The following EPHA3 variants were observed in gnomAD, a reference collection of about 807,000 sequenced individuals.
The protein encoded by EPHA3 is EPH receptor A3, also known as ephrin type-A receptor 3.
A neutral mutation model predicts 107.1 loss-of-function variants in EPHA3; 42 were observed. That is an observed-to-expected ratio of 0.39 (90% confidence interval 0.31 to 0.51). The LOEUF is 0.51. Ranked by LOEUF, EPHA3 falls within the 20% of genes least tolerant of loss-of-function variation. The pLI is 0.78. For missense variants in EPHA3, 1,183 were observed against 1,211.2 expected, an observed-to-expected ratio of 0.98 and a Z score of 0.35; for synonymous variants, 461 against 424.8, an observed-to-expected ratio of 1.09 and a Z score of -1.05.
At chr3:89,203,505 G>T (rs114239981) in intron 2 of EPHA3, among the ~76,000 whole-genome samples, 2,007 of 152,134 alleles carry the variant, frequency 0.013, 49 homozygotes, top group African/African-American at 0.046. Flanking sequence ...TGGGCGCGGT[G>T]GCTCAAGCCT....
chr3:89,280,335 T>C (rs1322149474), intron 3 of EPHA3, among the ~76,000 whole-genome samples: 1 of 152,114 alleles, frequency 6.6e-6, no homozygotes, highest in Non-Finnish European at 1.5e-5. Flanking sequence ...TTCAGGTATA[T>C]ATAGAGAGTA....
chr3:89,364,673 A>T (rs975392762), intron 5 of EPHA3, among the ~76,000 whole-genome samples: 1 of 150,450 alleles, frequency 6.6e-6, no homozygotes, highest in Non-Finnish European at 1.5e-5. Flanking sequence ...TTGTTTTTCT[A>T]GATTTTATGC....
chr3:89,134,312 C>A (rs1366436155), intron 2 of EPHA3, among the ~76,000 whole-genome samples: 2 of 151,920 alleles, frequency 1.3e-5, no homozygotes, highest in Non-Finnish European at 2.9e-5. Flanking sequence ...TGGTGTGCTG[C>A]ACCCATTAAC....
At chr3:89,411,186 C>G (rs994312259) in intron 9 of EPHA3, among the ~76,000 whole-genome samples, 1 of 151,474 alleles carries the variant, frequency 6.6e-6, no homozygotes, top group African/African-American at 2.4e-5. Flanking sequence ...TCTCAGAGCC[C>G]TAGCTTGTCT....
intron 2 of EPHA3, among the ~76,000 whole-genome samples, chr3:89,187,530 T>G (rs2107133235): frequency 6.6e-6 from 1 of 151,780 alleles, no homozygotes; most frequent in East Asian, 1.9e-4. Flanking sequence ...GCTAGTAAAG[T>G]GACTTGCACT....
chr3:89,208,268 G>A (rs1706157390), intron 2 of EPHA3, among the ~76,000 whole-genome samples: 3 of 151,526 alleles, frequency 2.0e-5, no homozygotes, highest in African/African-American at 7.3e-5. Context: ...TATTCAGGAG[G>A]CTGAGGCAGG....
At chr3:89,344,832 C>G (rs1707606483) in intron 5 of EPHA3, among the ~76,000 whole-genome samples, 2 of 152,074 alleles carry the variant, frequency 1.3e-5, no homozygotes, top group South Asian at 4.1e-4. Flanking sequence ...AATGATAAGG[C>G]ACCTTTTAAA....
intron 3 of EPHA3, among the ~76,000 whole-genome samples, chr3:89,310,379 A>AT (rs933110298): frequency 4.0e-5 from 6 of 151,876 alleles, no homozygotes; most frequent in Non-Finnish European, 5.9e-5. Flanking sequence ...AAATTCATTA[A>AT]TTTTTTTTAA....
chr3:89,356,079 C>T (rs372180312), intron 5 of EPHA3, among the ~76,000 whole-genome samples: 6 of 142,608 alleles, frequency 4.2e-5, no homozygotes, highest in South Asian at 2.2e-4. Context: ...TGAGAATATA[C>T]AGTGTTTGGT....
At chr3:89,344,961 C>T (rs1440162150) in intron 5 of EPHA3, among the ~76,000 whole-genome samples, 1 of 151,254 alleles carries the variant, frequency 6.6e-6, no homozygotes, top group Non-Finnish European at 1.5e-5. Context: ...GTGAATCCAT[C>T]AGTCAAGTAA....
In EPHA3 at chr3:89,449,359, G is replaced by T. The variant is rs374248537; in HGVS notation, c.2481G>T (p.Glu827Asp). The change falls in exon 14 of 17, where the codon GAG (glutamate) becomes GAT (aspartate). Residue 827 changes from glutamate (E) to aspartate (D), a missense_variant. By Grantham distance (45) the Glu-to-Asp change is conservative. Coordinates refer to ENST00000336596, the MANE Select transcript of EPHA3 (RefSeq NM_005233.6). Reference protein sequence around the residue: ...VMSYGERPYWEMSNQDVIKAV... With the variant: ...VMSYGERPYWDMSNQDVIKAV... ...CTTATGGAGAGAGACCATACTGGGA[G>T]ATGTCCAATCAGGATGTAAGTATTT... 4 of 1,591,060 alleles carry T rather than the reference G, an allele frequency of 2.5e-6. No homozygotes were observed. The highest frequency in any genetic ancestry group is 1.7e-4 in the Middle Eastern group (1 of 5,944).
intron 1 of EPHA3, among the ~76,000 whole-genome samples, chr3:89,112,618 T>C (rs945836173): frequency 3.3e-5 from 5 of 151,986 alleles, no homozygotes; most frequent in African/African-American, 1.2e-4. Context: ...AAAATATATT[T>C]GATTTACTAA....
At chr3:89,346,511 G>C (rs1052984892) in intron 5 of EPHA3, among the ~76,000 whole-genome samples, 9 of 143,714 alleles carry the variant, frequency 6.3e-5, no homozygotes, top group South Asian at 2.2e-4. Flanking sequence ...GTAGATTCTG[G>C]ATATTAGCCC....
intron 2 of EPHA3, among the ~76,000 whole-genome samples, chr3:89,193,032 T>C (rs180967584): frequency 6.6e-6 from 1 of 152,238 alleles, no homozygotes; most frequent in African/African-American, 2.4e-5. Flanking sequence ...ATCTCTGAAA[T>C]CTTTTGTACA....
intron 3 of EPHA3, among the ~76,000 whole-genome samples, chr3:89,281,894 G>A (rs890150641): frequency 1.3e-5 from 2 of 152,158 alleles, no homozygotes; most frequent in Admixed American, 1.3e-4. Context: ...GTACATATGT[G>A]TTAGAAAATG....
At chr3:89,412,427 ATATT>A (rs1257913882) in intron 9 of EPHA3, among the ~76,000 whole-genome samples, 1 of 151,508 alleles carries the variant, frequency 6.6e-6, no homozygotes, top group Non-Finnish European at 1.5e-5. Context: ...CTCATAGACA[ATATT>A]TATTTTACTT....
chr3:89,270,318 C>T (rs949610927), intron 3 of EPHA3, among the ~76,000 whole-genome samples: 1 of 151,942 alleles, frequency 6.6e-6, no homozygotes, highest in African/African-American at 2.4e-5. Flanking sequence ...TATTGGTTTA[C>T]CTATGACCTT....
intron 2 of EPHA3, among the ~76,000 whole-genome samples, chr3:89,191,813 G>A (rs1280858398): frequency 2.0e-5 from 3 of 152,024 alleles, no homozygotes; most frequent in African/African-American, 7.2e-5. Context: ...ACTATCATCA[G>A]ACCGGTCCAG....
chr3:89,316,499 G>A (rs1487017939), intron 3 of EPHA3, among the ~76,000 whole-genome samples: 4 of 113,082 alleles, frequency 3.5e-5, no homozygotes, highest in African/African-American at 1.0e-4. Flanking sequence ...GTGTGTGTGT[G>A]TGTGTAATAT....
Sources: gnomAD v4.1 joint callset for allele counts (sites outside exome capture counted in the v4.1 genomes callset) on GRCh38, gnomAD v4.1.1 for gene constraint, MANE v1.5 for transcripts, NCBI Gene and HGNC (gene_info 2026-07-23, HGNC 2026-07-21) for gene names.